The following PGM5 variants were observed in gnomAD, a reference collection of about 807,000 sequenced individuals.
PGM5 encodes phosphoglucomutase 5.
In PGM5, 23 loss-of-function variants were observed where a neutral mutation model predicts 59.2. That is an observed-to-expected ratio of 0.39 (90% confidence interval 0.28 to 0.55). PGM5 has a LOEUF of 0.55. Among genes scored for constraint, PGM5 ranks in the 20% least tolerant of loss-of-function variants. The pLI, the probability that PGM5 is intolerant of heterozygous loss-of-function variation, is 0.66. For synonymous variants in PGM5, 214 were observed against 286.0 expected (o/e 0.75, Z 2.54); for missense variants, 574 against 748.3 (o/e 0.77, Z 2.72).
chr9:68,429,059 T>G (rs1554682861), intron 6 of PGM5: 1 of 152,212 alleles, frequency 6.6e-6, no homozygotes, highest in East Asian at 1.9e-4. Flanking sequence ...AGTCTTCTAG[T>G]GGTCTACAGT....
chr9:68,419,001 A>G (rs1385634244), intron 6 of PGM5, among the ~76,000 whole-genome samples: 1 of 152,112 alleles, frequency 6.6e-6, no homozygotes, highest in Non-Finnish European at 1.5e-5. Flanking sequence ...AATGGCTGGA[A>G]CTTTTACTTA....
intron 9 of PGM5, among the ~76,000 whole-genome samples, chr9:68,491,161 T>A (rs1411837903): frequency 1.3e-5 from 2 of 152,242 alleles, no homozygotes; most frequent in South Asian, 2.1e-4. Context: ...GAGATTCCTG[T>A]CTGCTGCTTA....
chr9:68,366,671 T>G (rs1454379549), intron 1 of PGM5, among the ~76,000 whole-genome samples: 8 of 152,274 alleles, frequency 5.3e-5, no homozygotes, highest in African/African-American at 1.9e-4. Flanking sequence ...AGCTTTGGAT[T>G]TGAATCATGA....
chr9:68,529,536 T>C (rs994979878), intron 10 of PGM5, 31 bp from the exon 11 acceptor site: 3 of 1,489,208 alleles, frequency 2.0e-6, no homozygotes, highest in Non-Finnish European at 2.8e-6. Flanking sequence ...CTGACTTGAG[T>C]TGTTCACAGA....
At chr9:68,502,269 C>T (rs981225955) in intron 10 of PGM5, among the ~76,000 whole-genome samples, 9 of 152,152 alleles carry the variant, frequency 5.9e-5, no homozygotes, top group Non-Finnish European at 1.5e-5. Flanking sequence ...TACCAGCAAT[C>T]AGTAGGCCTT....
At chr9:68,493,707 A>G (rs936834914) in intron 9 of PGM5, among the ~76,000 whole-genome samples, 1 of 152,236 alleles carries the variant, frequency 6.6e-6, no homozygotes, top group Non-Finnish European at 1.5e-5. Flanking sequence ...CAAGACCACC[A>G]GCTAAAAAAG....
intron 6 of PGM5, chr9:68,428,678 A>G (rs1160590509): frequency 6.6e-6 from 1 of 152,086 alleles, no homozygotes; most frequent in Non-Finnish European, 1.5e-5. Context: ...GTTGGAGAAC[A>G]CTCTGCTCTG....
At chr9:68,360,344 A>T (rs1417362200) in intron 1 of PGM5, among the ~76,000 whole-genome samples, 3 of 151,102 alleles carry the variant, frequency 2.0e-5, no homozygotes, top group Non-Finnish European at 4.4e-5. Context: ...TTTATTATAA[A>T]ATTATTATAG....
At chr9:68,378,412 T>C in intron 2 of PGM5, 51 bp downstream of exon 2, 1 of 1,512,968 alleles carries the variant, frequency 6.6e-7, no homozygotes, top group Non-Finnish European at 8.9e-7. Context: ...TCCTCTTATA[T>C]TATTATAGTC....
intron 6 of PGM5, chr9:68,395,671 TTC>T (rs1231695351): frequency 6.6e-6 from 1 of 152,208 alleles, no homozygotes; most frequent in African/African-American, 2.4e-5. Flanking sequence ...TTAAATTTAT[TTC>T]TGAGTATTTT....
intron 10 of PGM5, among the ~76,000 whole-genome samples, chr9:68,505,721 C>T (rs1302136655): frequency 6.6e-6 from 1 of 152,170 alleles, no homozygotes; most frequent in African/African-American, 2.4e-5. Context: ...ATGTGTTCAC[C>T]AGCCTGGAAG....
intron 7 of PGM5, among the ~76,000 whole-genome samples, chr9:68,477,331 G>A (rs914629665): frequency 2.1e-5 from 3 of 143,346 alleles, no homozygotes; most frequent in African/African-American, 8.8e-5. Flanking sequence ...TTTCCTTATT[G>A]AGAAAAAAAG....
chr9:68,501,526 TTGA>T (rs1824573133), intron 10 of PGM5, among the ~76,000 whole-genome samples: 1 of 152,140 alleles, frequency 6.6e-6, no homozygotes, highest in Non-Finnish European at 1.5e-5. Flanking sequence ...TAAAAAGCCT[TTGA>T]TTAACTGTTG....
chr9:68,511,682 C>T (rs1461519274), intron 10 of PGM5, among the ~76,000 whole-genome samples: 3 of 150,192 alleles, frequency 2.0e-5, no homozygotes, highest in African/African-American at 7.3e-5. Context: ...TCCTGAGCAG[C>T]TGGGACTACA....
chr9:68,529,473 ATC>A (rs1825045890), intron 10 of PGM5, 92 bp from the exon 11 acceptor site: 5 of 851,676 alleles, frequency 5.9e-6, no homozygotes, highest in Non-Finnish European at 3.8e-6. Context: ...GTGAATTGGA[ATC>A]TGAGTCCAGA....
At chr9:68,510,977 G>A (rs782705977) in intron 10 of PGM5, among the ~76,000 whole-genome samples, 3 of 152,232 alleles carry the variant, frequency 2.0e-5, no homozygotes, top group Admixed American at 6.5e-5. Flanking sequence ...GATAAAGAAA[G>A]TTGTGGAAGC....
intron 6 of PGM5, among the ~76,000 whole-genome samples, chr9:68,447,373 C>T (rs1554684070): frequency 6.6e-6 from 1 of 152,124 alleles, no homozygotes; most frequent in African/African-American, 2.4e-5. Flanking sequence ...TCAGTTTATC[C>T]TTCCTGCGCT....
intron 9 of PGM5, chr9:68,498,507 T>C (rs1286697760): frequency 6.6e-6 from 1 of 152,240 alleles, no homozygotes; most frequent in Non-Finnish European, 1.5e-5. Context: ...ATGAAAATTG[T>C]GTACTTCTCA....
chr9:68,361,879 A>G (rs1834586239), intron 1 of PGM5, among the ~76,000 whole-genome samples: 1 of 152,006 alleles, frequency 6.6e-6, no homozygotes, highest in South Asian at 2.1e-4. Flanking sequence ...TTCACATCCC[A>G]TCATTAGTGA....
Sources: gnomAD v4.1 joint callset for allele counts (sites outside exome capture counted in the v4.1 genomes callset) on GRCh38, gnomAD v4.1.1 for gene constraint, MANE v1.5 for transcripts, NCBI Gene and HGNC (gene_info 2026-07-23, HGNC 2026-07-21) for gene names.